The following PCDHGB5 variants were observed in gnomAD, a reference collection of about 807,000 sequenced individuals.
The protein encoded by PCDHGB5 is protocadherin gamma subfamily B, 5.
A neutral mutation model predicts 62.9 loss-of-function variants in PCDHGB5; 48 were observed. The observed-to-expected ratio is 0.76, with a 90% CI of 0.61 to 0.97. The LOEUF (loss-of-function observed/expected upper bound fraction) is 0.97, where lower values mean the gene tolerates loss of function less well. Ranked by LOEUF, PCDHGB5 falls within the 50% of genes least tolerant of loss-of-function variation. The pLI is 0.00. For missense variants in PCDHGB5, 1,118 were observed against 1,198.6 expected, an observed-to-expected ratio of 0.93 and a Z score of 0.99; for synonymous variants, 474 against 511.2, an observed-to-expected ratio of 0.93 and a Z score of 0.98.
At chr5:141,409,712 T>C (rs1049603081) in intron 1 of PCDHGB5, 5 of 1,613,122 alleles carry the variant, frequency 3.1e-6, no homozygotes, top group Non-Finnish European at 4.2e-6. Flanking sequence ...GGTGTCGTCA[T>C]ACGTGTCAGT....
At chr5:141,456,700 C>T (rs1420857227) in intron 1 of PCDHGB5, among the ~76,000 whole-genome samples, 1 of 152,060 alleles carries the variant, frequency 6.6e-6, no homozygotes, top group Admixed American at 6.6e-5. Flanking sequence ...CGTGGTGGCT[C>T]GCGCCTGTAA....
In PCDHGB5 at chr5:141,432,986, G is replaced by A. The variant is rs2097557714; in HGVS notation, c.2397+32462G>A. ...AGCGCCGGCGTCGCACTTTGTGGGC[G>A]TGGACGGGGTGCAGGCTTTCCTGCA... On this transcript the variant is annotated intron_variant, in intron 1 of 3. Transcript: ENST00000617380. This position sits in a 1 kb window ranked among gnomAD's most constrained non-coding sequence, Gnocchi z 6.0. 6 of 1,614,258 alleles carry A rather than the reference G, an allele frequency of 3.7e-6. No individual in the cohort carries two copies. In the Middle Eastern group the frequency reaches 4.9e-4, roughly 133 times the overall value.
intron 1 of PCDHGB5, among the ~76,000 whole-genome samples, chr5:141,456,778 C>T (rs568292085): frequency 3.7e-4 from 57 of 152,242 alleles, no homozygotes; most frequent in African/African-American, 1.3e-3. Flanking sequence ...GCCTGGCCTA[C>T]ATGGCAAAAC....
At chr5:141,430,883 G>T in intron 1 of PCDHGB5, 1 of 1,601,036 alleles carries the variant, frequency 6.2e-7, no homozygotes, top group Non-Finnish European at 8.5e-7. Context: ...GCTGGAGAAA[G>T]GCTCTAGGGT....
At position 141,511,127 on chromosome 5, in the gene PCDHGB5, G is replaced by C; in HGVS notation, c.2726G>C (p.Gly909Ala). 1 of 1,614,194 alleles carries C rather than the reference G, an allele frequency of 6.2e-7. No individual in the cohort carries two copies. Among genetic ancestry groups the C allele is most frequent in the Non-Finnish European group, 8.5e-7 (1 of 1,180,018 alleles). The change falls in exon 4 of 4, where the codon GGT becomes GCT. Residue 909 changes from glycine to alanine, a missense_variant. Coordinates refer to ENST00000617380, the MANE Select transcript of PCDHGB5 (RefSeq NM_018925.3). ...AGKRDGKAPA[G>A]GNGNKKKSGK... ...AAGCGGGATGGCAAGGCCCCAGCAG[G>C]TGGCAATGGCAACAAGAAGAAGTCG...
intron 1 of PCDHGB5, chr5:141,424,773 T>C (rs1398493027): frequency 6.6e-6 from 1 of 152,206 alleles, no homozygotes; most frequent in African/African-American, 2.4e-5. Flanking sequence ...TGGCAAATAG[T>C]ACATTCAGTT....
intron 1 of PCDHGB5, among the ~76,000 whole-genome samples, chr5:141,484,211 G>A (rs1362875959): frequency 6.6e-6 from 1 of 152,158 alleles, no homozygotes; most frequent in Non-Finnish European, 1.5e-5. Context: ...ATGAACATTA[G>A]CATTCTGCCA....
chr5:141,455,542 C>T (rs2154565110), intron 1 of PCDHGB5, among the ~76,000 whole-genome samples: 1 of 152,246 alleles, frequency 6.6e-6, no homozygotes, highest in African/African-American at 2.4e-5. Flanking sequence ...ATATCATTCA[C>T]GTAGCCCGAG....
intron 1 of PCDHGB5, among the ~76,000 whole-genome samples, chr5:141,434,848 C>T (rs1224972794): frequency 6.6e-6 from 1 of 151,786 alleles, no homozygotes; most frequent in Non-Finnish European, 1.5e-5. Context: ...AAGCAGACAT[C>T]AATAAATTTA....
In PCDHGB5 at chr5:141,476,780, C is replaced by T. The variant is rs201463036; in HGVS notation, c.2398-18027C>T. On this transcript the variant is annotated intron_variant, in intron 1 of 3. Transcript: ENST00000617380. This position sits in a 1 kb window ranked among gnomAD's most constrained non-coding sequence, Gnocchi z 7.6. ...GCTGACGGCGTTGGACGGAGGGACCCCAGCTCTCTCCGCCAGCCTGCCTAT... is the reference window on the plus strand; with the variant it reads ...GCTGACGGCGTTGGACGGAGGGACCTCAGCTCTCTCCGCCAGCCTGCCTAT... 234 of 1,613,464 alleles carry T rather than the reference C, an allele frequency of 1.5e-4. No individual in the cohort carries two copies. Among genetic ancestry groups the T allele is most frequent in the Non-Finnish European group, 1.9e-4 (227 of 1,180,026 alleles).
At chr5:141,471,708 T>G (rs1359785951) in intron 1 of PCDHGB5, among the ~76,000 whole-genome samples, 1 of 152,138 alleles carries the variant, frequency 6.6e-6, no homozygotes, top group Non-Finnish European at 1.5e-5. Context: ...GGAATAGAAG[T>G]GCCACTTACC....
chr5:141,445,623 A>G (rs2098472971), intron 1 of PCDHGB5, among the ~76,000 whole-genome samples: 1 of 152,172 alleles, frequency 6.6e-6, no homozygotes, highest in South Asian at 2.1e-4. Flanking sequence ...TTTTTTTCGG[A>G]AAGTGATATT....
chr5:141,472,779 A>C (rs908169292), intron 1 of PCDHGB5, among the ~76,000 whole-genome samples: 5 of 152,012 alleles, frequency 3.3e-5, no homozygotes, highest in Non-Finnish European at 7.4e-5. Context: ...TGAGGTTGGG[A>C]GTTCAAGATC....
chr5:141,426,275 G>A (rs531044481), intron 1 of PCDHGB5: 2 of 164,168 alleles, frequency 1.2e-5, no homozygotes, highest in East Asian at 1.6e-4. Context: ...CTGCAGCAAC[G>A]CATGGGAAGG....
At position 141,512,951 on chromosome 5, in the gene PCDHGB5, AATAAT is replaced by A. The variant is rs1231390259; in HGVS notation, c.*1780_*1784del. 2.1e-5 allele frequency: 3 copies of A among 141,994 alleles called. No homozygotes were observed. Among genetic ancestry groups the A allele is most frequent in the Non-Finnish European group, 4.8e-5 (3 of 62,372 alleles). The allele number at this position is 141,994 out of a possible 1,614,324, so 8.8% of individuals were successfully genotyped here. A position where few individuals can be genotyped will look rare whatever the true frequency, so the allele number is the denominator to read the frequency against. On this transcript the variant is annotated 3_prime_UTR_variant, in exon 4 of 4. Coordinates refer to ENST00000617380, the MANE Select transcript of PCDHGB5 (RefSeq NM_018925.3). ...TATGGCTTTTTTTCTTCGACAAAAAAATAATAAAACGTTTCTTCTGAAAAGCTGAA... is the reference window on the plus strand; with the variant it reads ...TATGGCTTTTTTTCTTCGACAAAAAAAAAACGTTTCTTCTGAAAAGCTGAA...
chr5:141,475,823 T>C (rs2099373850), intron 1 of PCDHGB5: 1 of 360,288 alleles, frequency 2.8e-6, no homozygotes, highest in Non-Finnish European at 5.0e-6. Context: ...TTCCTGGCGC[T>C]AGCGCGTGTC....
Position 141,432,632 on chromosome 5 carries a change from G to T in PCDHGB5, c.2397+32108G>T. ...CTTCTCGGTGGGTCTGCACACGGGCGAGGTGCGCACGGCGCGAGCCCTGCT... is the reference window on the plus strand; with the variant it reads ...CTTCTCGGTGGGTCTGCACACGGGCTAGGTGCGCACGGCGCGAGCCCTGCT... On this transcript the variant is annotated intron_variant, in intron 1 of 3. Transcript: ENST00000617380. This position sits in a 1 kb window ranked among gnomAD's most constrained non-coding sequence, Gnocchi z 6.0. The T allele has an allele frequency of 6.2e-7, 1 of 1,612,834 alleles. No homozygotes were observed. Among genetic ancestry groups the T allele is most frequent in the South Asian group, 1.1e-5 (1 of 90,976 alleles).
chr5:141,413,555 T>C (rs1270604020), intron 1 of PCDHGB5: 1 of 1,613,852 alleles, frequency 6.2e-7, no homozygotes. Flanking sequence ...GAAATAGAAG[T>C]AACTGATATC....
At chr5:141,497,500 T>G (rs1468175808) in intron 2 of PCDHGB5, among the ~76,000 whole-genome samples, 2 of 151,562 alleles carry the variant, frequency 1.3e-5, no homozygotes, top group Non-Finnish European at 2.9e-5. Context: ...CTCTCTCCTC[T>G]CTCTGCTTCC....
Sources: allele counts gnomAD v4.1 joint callset (sites outside exome capture counted in the v4.1 genomes callset), GRCh38; gene constraint gnomAD v4.1.1; non-coding constraint Gnocchi (gnomAD v3.1); transcripts MANE v1.5; gene names NCBI Gene and HGNC (gene_info 2026-07-23, HGNC 2026-07-21).